Variants in MYL1 observed in about 807,000 individuals in gnomAD.
The protein encoded by MYL1 is myosin light chain 1, also known as myosin light chain 1/3, skeletal muscle isoform.
A neutral mutation model predicts 21.8 loss-of-function variants in MYL1; 16 were observed. The observed-to-expected ratio is 0.74, with a 90% CI of 0.50 to 1.12. The LOEUF (loss-of-function observed/expected upper bound fraction) is 1.12, where lower values mean the gene tolerates loss of function less well. Ranked by LOEUF, MYL1 falls within the 50% of genes most tolerant of loss-of-function variation. The probability of loss-of-function intolerance (pLI) is 0.00; values close to 1 mark genes in which losing one functional copy is unlikely to be tolerated. For missense variants in MYL1, 246 were observed against 241.0 expected (o/e 1.02, Z -0.14); for synonymous variants, 99 against 85.2 (o/e 1.16, Z -0.89).
At chr2:210,291,291 T>C (rs1442253754) in intron 5 of MYL1, among the ~76,000 whole-genome samples, 1 of 152,156 alleles carries the variant, frequency 6.6e-6, no homozygotes, top group Non-Finnish European at 1.5e-5. Context: ...AAGTGGTACA[T>C]TCACATACAT....
intron 1 of MYL1, among the ~76,000 whole-genome samples, chr2:210,308,892 G>A (rs1366248296): frequency 6.6e-6 from 1 of 151,638 alleles, no homozygotes; most frequent in Non-Finnish European, 1.5e-5. Context: ...AATTCTTTGT[G>A]TGTGTGTTTT....
chr2:210,305,158 C>T (rs1435959468), intron 1 of MYL1, among the ~76,000 whole-genome samples: 1 of 152,184 alleles, frequency 6.6e-6, no homozygotes, highest in Non-Finnish European at 1.5e-5. Context: ...TGTAACTTCT[C>T]CTGAAACCAT....
In MYL1 at chr2:210,297,091, T is replaced by G. The variant is rs187915191; in HGVS notation, c.304+1329A>C. ...TTCATCTGTTGATGGACATTTATGT[T>G]GATTCCATATCTTGGGCATCGTAAA... On this transcript the variant is annotated intron_variant, in intron 3 of 6. Coordinates refer to ENST00000352451, the MANE Select transcript of MYL1 (RefSeq NM_079420.3). Among the ~76,000 whole-genome samples, 12 of 151,210 alleles carry G rather than the reference T, an allele frequency of 7.9e-5. No homozygotes were observed. In the East Asian group the frequency reaches 2.3e-3, roughly 29 times the overall value.
At chr2:210,304,403 T>A (rs1472281331) in intron 1 of MYL1, among the ~76,000 whole-genome samples, 1 of 152,214 alleles carries the variant, frequency 6.6e-6, no homozygotes, top group Non-Finnish European at 1.5e-5. Flanking sequence ...TACATTTTTT[T>A]TAACTACACA....
chr2:210,291,611 C>T (rs1476422798), intron 5 of MYL1, among the ~76,000 whole-genome samples: 1 of 152,132 alleles, frequency 6.6e-6, no homozygotes, highest in Non-Finnish European at 1.5e-5. Flanking sequence ...ATACTCTATA[C>T]ATTGTTTTGT....
rs550003355 is a variant in MYL1 at position 210,292,691 on chromosome 2, C to T, written c.556+1032G>A. Among the ~76,000 whole-genome samples, 177 of 152,166 alleles carry T rather than the reference C, an allele frequency of 1.2e-3. 2 individuals are homozygous for T. The highest frequency in any genetic ancestry group is 4.1e-3 in the African/African-American group (172 of 41,518). The stretch of plus-strand genomic sequence containing the variant: ...GTTTTTGTGTCACTGTTAGAAAAAA[C>T]GTAACCACTCCAAAGTTATAAAATT... On this transcript the variant is annotated intron_variant, in intron 5 of 6. Transcript: ENST00000352451.
At chr2:210,306,779 G>A (rs1040721040) in intron 1 of MYL1, among the ~76,000 whole-genome samples, 2 of 151,324 alleles carry the variant, frequency 1.3e-5, no homozygotes, top group South Asian at 2.1e-4. Flanking sequence ...GTAAAATGGC[G>A]TGATCTCGGC....
intron 6 of MYL1, among the ~76,000 whole-genome samples, 191 bp downstream of exon 6, chr2:210,290,841 T>C (rs1356719477): frequency 2.0e-5 from 3 of 152,160 alleles, no homozygotes; most frequent in African/African-American, 7.2e-5. Context: ...CATAGGTTTT[T>C]GCTTATATCT....
intron 5 of MYL1, 137 bp downstream of exon 5, chr2:210,293,586 A>G (rs1010612096): frequency 5.8e-6 from 4 of 695,378 alleles, no homozygotes; most frequent in Non-Finnish European, 1.0e-5. Flanking sequence ...AGATCCTCAC[A>G]TATCTTTTTA....
intron 1 of MYL1, among the ~76,000 whole-genome samples, chr2:210,310,651 C>G (rs1328651594): frequency 6.6e-6 from 1 of 151,974 alleles, no homozygotes; most frequent in African/African-American, 2.4e-5. Context: ...TTCTGCAGAA[C>G]AAAACACCCA....
rs867165223 is a variant in MYL1, at chr2:210,302,494, G to T, written c.154C>A (p.Gln52Lys). The T allele has an allele frequency of 6.2e-7, 1 of 1,609,074 alleles. No individual in the cohort carries two copies. Among genetic ancestry groups the T allele is most frequent in the African/African-American group, 1.3e-5 (1 of 74,648 alleles). Residue 52 changes from glutamine (Q) to lysine (K), a missense_variant, in exon 2 of 7, where the codon CAG becomes AAG. Coordinates refer to ENST00000352451, the MANE Select transcript of MYL1 (RefSeq NM_079420.3). ...CCATAGCTTTTAAACTTACCATCCT[G>T]CTGTTCCTTAGAGAACTCGATCTGT... ...AIKIEFSKEQ[Q>K]DEFKEAFLLF...
At chr2:210,294,519 TCA>T in intron 3 of MYL1, 101 bp from the exon 4 acceptor site, 1 of 1,085,304 alleles carries the variant, frequency 9.2e-7, no homozygotes, top group Non-Finnish European at 1.3e-6. Flanking sequence ...TGAAAAACCT[TCA>T]CACAGCTTAA....
intron 1 of MYL1, among the ~76,000 whole-genome samples, chr2:210,306,625 A>G (rs1218495094): frequency 6.6e-6 from 1 of 152,126 alleles, no homozygotes; most frequent in Non-Finnish European, 1.5e-5. Flanking sequence ...AGGCTACAGT[A>G]TAGTCTAGAG....
chr2:210,290,884 T>C (rs914022004), intron 6 of MYL1, 148 bp downstream of exon 6: 160 of 469,012 alleles, frequency 3.4e-4, no homozygotes, highest in Middle Eastern at 5.7e-4. Context: ...GAATAACCCA[T>C]TTCAAGGCAT....
chr2:210,305,375 G>T (rs1333028059), intron 1 of MYL1, among the ~76,000 whole-genome samples: 3 of 152,098 alleles, frequency 2.0e-5, no homozygotes, highest in African/African-American at 7.2e-5. Context: ...AATAAAAAAT[G>T]CTTTGAATCA....
At chr2:210,310,447 G>A (rs1289961166) in intron 1 of MYL1, among the ~76,000 whole-genome samples, 3 of 151,928 alleles carry the variant, frequency 2.0e-5, no homozygotes, top group Admixed American at 1.3e-4. Context: ...TAGAATATTA[G>A]CCTGATAGCA....
In MYL1 at chr2:210,314,972, G is replaced by A. The variant is rs756189605; in HGVS notation, c.71C>T (p.Pro24Leu). ...AAAAPAPAPA[P>L]APAPAPAKPK... is the part of the protein sequence containing the mutation. ...TTTGGCTGGGGCAGGGGCAGGTGCA[G>A]GTGCCGGTGCCGGGGCTGGGGCAGC... The change falls in exon 1 of 7, where the codon CCT (proline) becomes CTT (leucine). Residue 24 changes from proline (P) to leucine (L), a missense_variant. Transcript: ENST00000352451. 6.2e-7 allele frequency: 1 copy of A among 1,612,838 alleles called. No homozygotes were observed. Among genetic ancestry groups the A allele is most frequent in the South Asian group, 1.1e-5 (1 of 90,960 alleles).
At chr2:210,297,417 A>C (rs1215355789) in intron 3 of MYL1, among the ~76,000 whole-genome samples, 1 of 151,538 alleles carries the variant, frequency 6.6e-6, no homozygotes, top group African/African-American at 2.4e-5. Flanking sequence ...GTAATTAGTG[A>C]TATTGAGCAT....
At chr2:210,297,658 T>C (rs1426575596) in intron 3 of MYL1, among the ~76,000 whole-genome samples, 1 of 152,078 alleles carries the variant, frequency 6.6e-6, no homozygotes, top group Non-Finnish European at 1.5e-5. Flanking sequence ...AATAAAACCA[T>C]TGGGATTAAA....
Sources: allele counts gnomAD v4.1 joint callset (sites outside exome capture counted in the v4.1 genomes callset), GRCh38; gene constraint gnomAD v4.1.1; transcripts MANE v1.5; gene names NCBI Gene and HGNC (gene_info 2026-07-23, HGNC 2026-07-21).